The following HMCN1 variants were observed in gnomAD, a reference collection of about 807,000 sequenced individuals.
HMCN1 encodes the protein hemicentin-1.
Under a neutral mutation model 625.9 loss-of-function variants are expected in HMCN1, and 321 were observed. That is an observed-to-expected ratio of 0.51 (90% CI 0.47 to 0.56). The LOEUF (loss-of-function observed/expected upper bound fraction) is 0.56, where lower values mean the gene tolerates loss of function less well. Ranked by LOEUF, HMCN1 falls within the 20% of genes least tolerant of loss-of-function variation. The pLI is 0.00. For synonymous variants in HMCN1, 2,425 were observed against 2,417.6 expected (o/e 1.00, Z -0.09); for missense variants, 6,588 against 6,887.3 (o/e 0.96, Z 1.54).
At chr1:185,976,286 A>G (rs191393663) in intron 15 of HMCN1, among the ~76,000 whole-genome samples, 1 of 152,324 alleles carries the variant, frequency 6.6e-6, no homozygotes, top group Admixed American at 6.5e-5. Flanking sequence ...GGTAATAACA[A>G]GGTACTGATA....
At chr1:185,875,996 T>A (rs964208294) in intron 4 of HMCN1, among the ~76,000 whole-genome samples, 6 of 152,012 alleles carry the variant, frequency 3.9e-5, no homozygotes, top group Admixed American at 6.6e-5. Flanking sequence ...GAGGTTTGGG[T>A]TTCTAGTGTA....
intron 6 of HMCN1, 66 bp from the exon 7 acceptor site, chr1:185,922,313 C>T (rs1009114605): frequency 1.3e-5 from 20 of 1,580,526 alleles, no homozygotes; most frequent in Admixed American, 3.3e-5. Flanking sequence ...CCCATACTGG[C>T]GAGGGTTGCA....
Position 185,889,107 on chromosome 1 carries a change from G to A in HMCN1, c.622-20230G>A, listed in dbSNP as rs541231675. ...GAGTTCACTCATGATTTGGCTCTCT[G>A]TTTGTCTGTTGTTGGTGTATAGGAA... On this transcript the variant is annotated intron_variant, in intron 4 of 106. Transcript: ENST00000271588. Among the ~76,000 whole-genome samples, 219 of 142,318 alleles carry A rather than the reference G, an allele frequency of 1.5e-3. 3 individuals carry two copies. The highest frequency in any genetic ancestry group is 0.014 in the Admixed American group (203 of 14,680). The allele number at this position is 142,318 out of a possible 152,430, so 93.4% of individuals were successfully genotyped here.
chr1:186,166,847 C>G lies in HMCN1; in HGVS notation c.15479C>G (p.Ala5160Gly). Residue 5160 changes from alanine (A) to glycine (G), a missense_variant, in exon 100 of 107, where the codon GCT becomes GGT. Ala to Gly is a moderately conservative substitution (Grantham distance 60). Coordinates refer to ENST00000271588, the MANE Select transcript of HMCN1 (RefSeq NM_031935.3). Reference sequence around the variant, plus strand: ...GCTTTGGGTAGGCATACCTGCCACGCTGGTCAGGACTGTGACAATACGATT... The same window carrying G: ...GCTTTGGGTAGGCATACCTGCCACGGTGGTCAGGACTGTGACAATACGATT... Reference protein sequence around the residue: ...ECALGRHTCHAGQDCDNTIGS... With the variant: ...ECALGRHTCHGGQDCDNTIGS... The G allele has an allele frequency of 6.2e-7, 1 of 1,614,124 alleles. No individual in the cohort carries two copies. Among genetic ancestry groups the G allele is most frequent in the Non-Finnish European group, 8.5e-7 (1 of 1,180,006 alleles).
rs60205431 is a variant in HMCN1 at position 185,919,074 on chromosome 1, C to CATATAT, written c.901-3293_901-3288dup. ...AATTTTGGCCTCACTAATTTTAGGA[C>CATATAT]ATATATATATATATATAATTTTATT... On this transcript the variant is annotated intron_variant, in intron 6 of 106. Transcript: ENST00000271588. Among the ~76,000 whole-genome samples the CATATAT allele has an allele frequency of 1.3e-4, 19 of 146,122 alleles. 2 individuals are homozygous for CATATAT. The highest frequency in any genetic ancestry group is 4.6e-4 in the African/African-American group (18 of 38,930).
At chr1:186,062,698 T>TA in intron 48 of HMCN1, 98 bp downstream of exon 48, 1 of 779,352 alleles carries the variant, frequency 1.3e-6, no homozygotes, top group Non-Finnish European at 2.3e-6. Context: ...ATTTAGGGGG[T>TA]ACAAGTGCGG....
intron 4 of HMCN1, among the ~76,000 whole-genome samples, chr1:185,877,317 CTTTCTTTTTTTTTTTTTTTT>C (rs1340913629): frequency 0.034 from 1,475 of 42,768 alleles, 36 homozygotes; most frequent in African/African-American, 0.11. Flanking sequence ...ATCTATGTGT[CTTTCTTTTTTTTTTTTTTTT>C]TTTTTTTTTT....
chr1:186,037,494 A>G (rs1041415742), intron 36 of HMCN1, among the ~76,000 whole-genome samples: 17 of 152,102 alleles, frequency 1.1e-4, no homozygotes, highest in African/African-American at 3.6e-4. Context: ...AAGTTATTCT[A>G]TTTTTTTCTG....
At chr1:186,089,584 A>T (rs553888141) in intron 63 of HMCN1, among the ~76,000 whole-genome samples, 1 of 152,044 alleles carries the variant, frequency 6.6e-6, no homozygotes, top group Non-Finnish European at 1.5e-5. Context: ...TCAGAGATTC[A>T]ACGTCAGAAG....
intron 100 of HMCN1, among the ~76,000 whole-genome samples, chr1:186,168,443 G>A (rs1445288367): frequency 1.5e-5 from 2 of 136,366 alleles, no homozygotes; most frequent in Admixed American, 7.6e-5. Context: ...CAGAGACTCT[G>A]TTTCAAAAAA....
rs530230506 is a variant in HMCN1 at position 185,778,737 on chromosome 1, A to G, written c.268+43690A>G. Among the ~76,000 whole-genome samples, 14 of 151,864 alleles carry G rather than the reference A, an allele frequency of 9.2e-5. No individual in the cohort carries two copies. In the East Asian group the frequency reaches 1.7e-3, roughly 19 times the overall value. ...ATATGTGCCATATTTTCTTAATCCA[A>G]TCTATCATTGATGGACATTTGGGTT... is the stretch of plus-strand genomic sequence containing the variant. On this transcript the variant is annotated intron_variant, in intron 1 of 106. Transcript: ENST00000271588.
chr1:185,792,556 TA>T (rs148408055), intron 1 of HMCN1, among the ~76,000 whole-genome samples: 1 of 151,442 alleles, frequency 6.6e-6, no homozygotes, highest in Non-Finnish European at 1.5e-5. Context: ...TGTGCATTTT[TA>T]AAAAAAAAGT....
intron 4 of HMCN1, among the ~76,000 whole-genome samples, chr1:185,880,402 T>C (rs1024538411): frequency 7.9e-5 from 12 of 152,166 alleles, no homozygotes; most frequent in African/African-American, 2.7e-4. Context: ...TTATAATGTC[T>C]TTTATTTGTC....
At chr1:186,131,928 G>C (rs1661957762) in intron 85 of HMCN1, among the ~76,000 whole-genome samples, 1 of 152,138 alleles carries the variant, frequency 6.6e-6, no homozygotes, top group Non-Finnish European at 1.5e-5. Flanking sequence ...AAAGGACTCA[G>C]TATTTGTTAA....
intron 7 of HMCN1, 44 bp downstream of exon 7, chr1:185,922,543 A>G: frequency 6.6e-7 from 1 of 1,517,400 alleles, no homozygotes; most frequent in Non-Finnish European, 9.0e-7. Flanking sequence ...TAGATATCCA[A>G]ATGAAAAATA....
rs1362944322 is a variant in HMCN1 at position 185,990,446 on chromosome 1, A to G, written c.3377+3A>G. 15 of 1,613,458 alleles carry G rather than the reference A, an allele frequency of 9.3e-6. No individual in the cohort carries two copies. The highest frequency in any genetic ancestry group is 1.3e-5 in the Non-Finnish European group (15 of 1,179,396). On this transcript the variant is annotated splice_donor_region_variant and intron_variant, in intron 22 of 106. Transcript: ENST00000271588. Reference sequence around the variant, plus strand: ...CTCATCTCACCGTTCTCTCCAAGGTAGGAGATCTGGGATGAATTGCAACAC... The same window carrying G: ...CTCATCTCACCGTTCTCTCCAAGGTGGGAGATCTGGGATGAATTGCAACAC...
In HMCN1 at chr1:185,957,496, C is replaced by T. The variant is rs148820210; in HGVS notation, c.1829-5022C>T. On this transcript the variant is annotated intron_variant, in intron 11 of 106. Transcript: ENST00000271588. ...TGTTTAAGATTGTTTTCCTGTTTAT[C>T]TGACAACAGAAATAGTTTTCTGTTG... 1.8e-4 allele frequency among the ~76,000 whole-genome samples: 28 copies of T among 152,224 alleles called. No individual in the cohort carries two copies. In the East Asian group the frequency reaches 5.0e-3, roughly 27 times the overall value.
chr1:186,117,502 C>G lies in HMCN1; in HGVS notation c.11727C>G (p.Thr3909=). 1.2e-6 allele frequency: 2 copies of G among 1,613,768 alleles called. No individual in the cohort carries two copies. Among genetic ancestry groups the G allele is most frequent in the Non-Finnish European group, 1.7e-6 (2 of 1,179,784 alleles). ...ATGAGCCTACAGATTTCCTAGTAACCAAACATGCCCCAGCAGTAATTACCT... is the reference window on the plus strand; with the variant it reads ...ATGAGCCTACAGATTTCCTAGTAACGAAACATGCCCCAGCAGTAATTACCT... The part of the protein sequence containing the change: ...IADEPTDFLV[T]KHAPAVITCT... The change falls in exon 77 of 107, where the codon ACC becomes ACG. Residue 3909 remains threonine (T), a synonymous_variant. Coordinates refer to ENST00000271588, the MANE Select transcript of HMCN1 (RefSeq NM_031935.3).
At chr1:185,828,502 G>A in intron 1 of HMCN1, among the ~76,000 whole-genome samples, 1 of 152,084 alleles carries the variant, frequency 6.6e-6, no homozygotes, top group African/African-American at 2.4e-5. Context: ...TTCTTCCATA[G>A]TTGATGACAG....
Sources: gnomAD v4.1 joint callset for allele counts (sites outside exome capture counted in the v4.1 genomes callset) on GRCh38, gnomAD v4.1.1 for gene constraint, MANE v1.5 for transcripts, NCBI Gene and HGNC (gene_info 2026-07-23, HGNC 2026-07-21) for gene names.